MAP2: variants seen among roughly 807,000 people sequenced by gnomAD.
MAP2 encodes microtubule-associated protein 2.
MAP2 carries 14 observed loss-of-function variants against 137.6 expected under a neutral mutation model. The ratio of observed to expected loss-of-function variants is 0.10; its 90% confidence interval spans 0.07 to 0.16. MAP2 has a LOEUF of 0.16. Ranked by LOEUF, MAP2 falls within the 10% of genes least tolerant of loss-of-function variation. MAP2 has a pLI of 1.00. For synonymous variants in MAP2, 786 were observed against 782.3 expected, an observed-to-expected ratio of 1.00 and a Z score of -0.08; for missense variants, 2,088 against 2,191.5, an observed-to-expected ratio of 0.95 and a Z score of 0.94.
intron 2 of MAP2, among the ~76,000 whole-genome samples, chr2:209,525,458 A>G (rs2063890828): frequency 6.6e-6 from 1 of 152,160 alleles, no homozygotes; most frequent in African/African-American, 2.4e-5. Flanking sequence ...TTTCCAGTGT[A>G]TGAAGAATTG....
At position 209,696,995 on chromosome 2, in the gene MAP2, C is replaced by G. The variant is rs751266655; in HGVS notation, c.4466C>G (p.Pro1489Arg). The G allele has an allele frequency of 1.2e-6, 2 of 1,613,338 alleles. No individual in the cohort carries two copies. Among genetic ancestry groups the G allele is most frequent in the South Asian group, 1.1e-5 (1 of 90,966 alleles). The change falls in exon 10 of 16, where the codon CCT (proline) becomes CGT (arginine). Residue 1489 changes from proline (P) to arginine (R), a missense_variant. Physicochemically the swap from Pro to Arg is moderately radical, Grantham distance 103 (BLOSUM62 -2). Coordinates refer to ENST00000682079, the MANE Select transcript of MAP2 (RefSeq NM_001375505.1). ...HSPSRKFILK[P>R]AIKYTRPTHL... is the part of the protein sequence containing the mutation. Reference sequence around the variant, plus strand: ...CCCTCCAGGAAATTCATTTTAAAACCTGCTATCAAATATACTAGACCAACT... The same window carrying G: ...CCCTCCAGGAAATTCATTTTAAAACGTGCTATCAAATATACTAGACCAACT...
intron 1 of MAP2, among the ~76,000 whole-genome samples, chr2:209,446,412 C>T (rs757238488): frequency 6.6e-6 from 1 of 151,720 alleles, no homozygotes; most frequent in Non-Finnish European, 1.5e-5. Flanking sequence ...ATTTTTCACC[C>T]TCCAAACCCC....
At chr2:209,508,365 T>C (rs2061327220) in intron 2 of MAP2, among the ~76,000 whole-genome samples, 1 of 152,064 alleles carries the variant, frequency 6.6e-6, no homozygotes, top group Non-Finnish European at 1.5e-5. Flanking sequence ...AAACTTTTTG[T>C]ATAGGCTTTT....
At chr2:209,509,261 G>A (rs921335342) in intron 2 of MAP2, among the ~76,000 whole-genome samples, 5 of 151,844 alleles carry the variant, frequency 3.3e-5, no homozygotes, top group East Asian at 1.9e-4. Flanking sequence ...TAACAGTAAC[G>A]CACAAAAATT....
chr2:209,521,679 T>A (rs962555461), intron 2 of MAP2, among the ~76,000 whole-genome samples: 10 of 152,168 alleles, frequency 6.6e-5, no homozygotes, highest in African/African-American at 2.4e-4. Flanking sequence ...CCTATGCCTC[T>A]CAAAGATAAC....
chr2:209,486,669 A>G (rs1211469797), intron 1 of MAP2, among the ~76,000 whole-genome samples: 1 of 152,208 alleles, frequency 6.6e-6, no homozygotes, highest in Non-Finnish European at 1.5e-5. Flanking sequence ...ATCATTTGTA[A>G]TGTTTTGCTT....
chr2:209,446,498 G>A (rs1003756890), intron 1 of MAP2, among the ~76,000 whole-genome samples: 1 of 151,742 alleles, frequency 6.6e-6, no homozygotes, highest in Admixed American at 6.6e-5. Context: ...GGTAGTTAAT[G>A]ACTAAAAATG....
At position 209,588,459 on chromosome 2, in the gene MAP2, A is replaced by G. The variant is rs71420765; in HGVS notation, c.-107+8359A>G. ...AAGCCAGATGTACATTGATCCACCT[A>G]TGGCAATTATTAAGGAAAAGATACT... is the stretch of plus-strand genomic sequence containing the variant. On this transcript the variant is annotated intron_variant, in intron 3 of 15. Transcript: ENST00000682079. 0.014 allele frequency among the ~76,000 whole-genome samples: 2,192 copies of G among 152,270 alleles called. 129 individuals are homozygous for G. In the South Asian group the frequency reaches 0.22, roughly 15 times the overall value.
At chr2:209,492,090 C>T (rs192169394) in intron 1 of MAP2, among the ~76,000 whole-genome samples, 208 of 152,234 alleles carry the variant, frequency 1.4e-3, no homozygotes, top group African/African-American at 4.5e-3. Context: ...AAAAACTTAT[C>T]GACTATGATC....
chr2:209,435,944 ATACT>A (rs1695867456), intron 1 of MAP2, among the ~76,000 whole-genome samples: 1 of 142,490 alleles, frequency 7.0e-6, no homozygotes, highest in East Asian at 2.0e-4. Context: ...TATATAATAT[ATACT>A]ATATATACAG....
At chr2:209,548,084 CA>C (rs2068439414) in intron 2 of MAP2, among the ~76,000 whole-genome samples, 1 of 152,194 alleles carries the variant, frequency 6.6e-6, no homozygotes, top group African/African-American at 2.4e-5. Context: ...TAGCTGGACA[CA>C]AAGTGTCCTG....
intron 1 of MAP2, among the ~76,000 whole-genome samples, chr2:209,454,888 C>T (rs962316053): frequency 1.3e-5 from 2 of 152,112 alleles, no homozygotes; most frequent in Non-Finnish European, 2.9e-5. Flanking sequence ...AAACAGCAGA[C>T]ATTTATTTCT....
chr2:209,708,778 A>G (rs139929198), intron 12 of MAP2, among the ~76,000 whole-genome samples: 406 of 152,290 alleles, frequency 2.7e-3, no homozygotes, highest in African/African-American at 9.4e-3. Context: ...TGAAATTTGC[A>G]TGCTTAAAAA....
intron 5 of MAP2, among the ~76,000 whole-genome samples, chr2:209,673,759 G>T (rs1238648223): frequency 6.6e-6 from 1 of 151,700 alleles, no homozygotes; most frequent in Non-Finnish European, 1.5e-5. Context: ...TAACAACTAA[G>T]TCCTGGTTGT....
At chr2:209,700,253 T>C (rs1461521900) in intron 10 of MAP2, 24 bp from the exon 11 acceptor site, 1 of 1,606,640 alleles carries the variant, frequency 6.2e-7, no homozygotes, top group Non-Finnish European at 8.5e-7. Flanking sequence ...AAGTTTGGGG[T>C]TGTTTGTCTT....
At chr2:209,521,036 A>G (rs1277938648) in intron 2 of MAP2, among the ~76,000 whole-genome samples, 2 of 152,094 alleles carry the variant, frequency 1.3e-5, no homozygotes, top group African/African-American at 4.8e-5. Context: ...CCTTTTGCCA[A>G]TTTGCCCCCA....
At chr2:209,623,020 T>C (rs990567836) in intron 3 of MAP2, among the ~76,000 whole-genome samples, 4 of 152,218 alleles carry the variant, frequency 2.6e-5, no homozygotes, top group Non-Finnish European at 4.4e-5. Flanking sequence ...TTCATTCATA[T>C]GTAACTACTG....
intron 1 of MAP2, among the ~76,000 whole-genome samples, chr2:209,505,089 A>T (rs1470158100): frequency 2.0e-5 from 3 of 151,620 alleles, no homozygotes; most frequent in Non-Finnish European, 2.9e-5. Flanking sequence ...TAAATTTCTC[A>T]TACTTTCTCT....
At position 209,521,559 on chromosome 2, in the gene MAP2, T is replaced by A. The variant is rs552452358; in HGVS notation, c.-172+13918T>A. 9.5e-5 allele frequency among the ~76,000 whole-genome samples: 14 copies of A among 147,540 alleles called. No homozygotes were observed. In the East Asian group the frequency reaches 2.6e-3, roughly 27 times the overall value. ...TTCTTGTAAACTCTTTAATCTTATT[T>A]AAAAAAAAAAAATTTTTTAGGTTGT... On this transcript the variant is annotated intron_variant, in intron 2 of 15. Coordinates refer to ENST00000682079, the MANE Select transcript of MAP2 (RefSeq NM_001375505.1).
Sources: allele counts gnomAD v4.1 joint callset (sites outside exome capture counted in the v4.1 genomes callset), GRCh38; gene constraint gnomAD v4.1.1; transcripts MANE v1.5; gene names NCBI Gene and HGNC (gene_info 2026-07-23, HGNC 2026-07-21).